Variants in C10orf105 observed in about 807,000 individuals in gnomAD.
C10orf105 encodes the protein chromosome 10 open reading frame 105, also known as uncharacterized protein C10orf105.
Under a neutral mutation model 0.6 loss-of-function variants are expected in C10orf105, and 2 were observed. The ratio of observed to expected loss-of-function variants is 3.18; its 90% CI spans 1.30 to 10.01. The LOEUF (loss-of-function observed/expected upper bound fraction) is 10.01. C10orf105 is among the 30% of genes most tolerant of loss of function. C10orf105 has a pLI of 0.04. For missense variants in C10orf105, 209 were observed against 191.4 expected, an observed-to-expected ratio of 1.09 and a Z score of -0.54; for synonymous variants, 95 against 82.4, an observed-to-expected ratio of 1.15 and a Z score of -0.83.
intron 1 of C10orf105, chr10:71,732,536 G>A: frequency 2.3e-6 from 3 of 1,317,346 alleles, no homozygotes; most frequent in Non-Finnish European, 3.1e-6. Flanking sequence ...AGAGGCTGGG[G>A]CAGGAAGATT....
chr10:71,727,358 A>C (rs1042409783), intron 1 of C10orf105, among the ~76,000 whole-genome samples: 2 of 152,204 alleles, frequency 1.3e-5, no homozygotes, highest in Non-Finnish European at 2.9e-5. Context: ...TCATCCCCAC[A>C]GGGTAATTTT....
In C10orf105 at chr10:71,716,155, C is replaced by T. The variant is rs530192569; in HGVS notation, c.183G>A (p.Pro61=). ...TCLLFMTLCK[P]AALDPSRRRA... is the part of the protein sequence containing the mutation. ...TGCGGCGGCTCGGGTCCAGCGCGGC[C>T]GGCTTGCAGAGCGTCATGAACAGCA... The change falls in exon 2 of 2, where the codon CCG becomes CCA. Residue 61 remains proline, a synonymous_variant. Transcript: ENST00000441508. The T allele has an allele frequency of 1.8e-5, 28 of 1,550,594 alleles. No homozygotes were observed. Among genetic ancestry groups the T allele is most frequent in the African/African-American group, 9.6e-5 (7 of 73,144 alleles).
At chr10:71,736,878 C>T (rs977022502) in intron 1 of C10orf105, among the ~76,000 whole-genome samples, 1 of 152,158 alleles carries the variant, frequency 6.6e-6, no homozygotes, top group Non-Finnish European at 1.5e-5. Context: ...AATAAGGTGT[C>T]AGGGAACTAG....
upstream of C10orf105, chr10:71,724,253 C>G: frequency 1.3e-6 from 1 of 777,814 alleles, no homozygotes; most frequent in Non-Finnish European, 2.1e-6. Flanking sequence ...GAAACAGGGA[C>G]ATTCTCCTTA....
Position 71,728,494 on chromosome 10 carries a change from A to C in C10orf105, c.-6+9234T>G, listed in dbSNP as rs558903382. ...GCTTCTACCAGCCAGAAGCTCTGTC[A>C]CTTCTCTCCAGCTGATTCCCAGCTA... On this transcript the variant is annotated intron_variant, in intron 1 of 1. Coordinates refer to the C10orf105 transcript ENST00000398786. Among the ~76,000 whole-genome samples, 4 of 152,134 alleles carry C rather than the reference A, an allele frequency of 2.6e-5. No homozygotes were observed. In the South Asian group the frequency reaches 8.3e-4, roughly 32 times the overall value.
At chr10:71,732,390 G>T in intron 1 of C10orf105, 1 of 1,553,978 alleles carries the variant, frequency 6.4e-7, no homozygotes, top group Admixed American at 2.0e-5. Context: ...GGGGCTGGGG[G>T]CAGGGAGCAC....
chr10:71,731,159 G>A (rs1839368766), intron 1 of C10orf105, among the ~76,000 whole-genome samples: 1 of 152,184 alleles, frequency 6.6e-6, no homozygotes, highest in African/African-American at 2.4e-5. Context: ...AAGCATGCCG[G>A]GTCTCTGTGG....
At position 71,716,048 on chromosome 10, in the gene C10orf105, C is replaced by T. The variant is rs768880468; in HGVS notation, c.290G>A (p.Arg97His). The stretch of plus-strand genomic sequence containing the variant: ...ATGGCGGAAGCTGTGCAGGGAGAGG[C>T]GCAAGGAGCCCAGGCGCTTCCAGAG... ...LRLWKRLGSL[R>H]LSLHSFRHGR... Residue 97 changes from arginine (R) to histidine (H), a missense_variant, in exon 2 of 2, where the codon CGC becomes CAC. Arg to His is a conservative substitution (Grantham distance 29). Coordinates refer to ENST00000441508, the MANE Select transcript of C10orf105 (RefSeq NM_001164375.3). The T allele has an allele frequency of 1.8e-5, 27 of 1,507,410 alleles. No individual in the cohort carries two copies. In the South Asian group the frequency reaches 1.9e-4, roughly 11 times the overall value. 93.4% of individuals were successfully genotyped at this position (1,507,410 alleles called of 1,614,324 possible). A position where few individuals can be genotyped will look rare whatever the true frequency, so the allele number is the denominator to read the frequency against.
chr10:71,718,846 C>A (rs1431898045), intron 1 of C10orf105, among the ~76,000 whole-genome samples: 1 of 151,826 alleles, frequency 6.6e-6, no homozygotes, highest in African/African-American at 2.4e-5. Flanking sequence ...GCAGGAGGAT[C>A]ACTTGAGCCC....
intron 1 of C10orf105, among the ~76,000 whole-genome samples, chr10:71,737,546 C>T (rs1171595879): frequency 4.6e-5 from 7 of 152,220 alleles, no homozygotes; most frequent in African/African-American, 1.7e-4. Context: ...CAGGCTTAGC[C>T]GGCTCCCCAT....
At chr10:71,724,577 C>T (rs1038674687), upstream of C10orf105, among the ~76,000 whole-genome samples, 2 of 152,222 alleles carry the variant, frequency 1.3e-5, no homozygotes, top group Admixed American at 6.5e-5. Flanking sequence ...GCTAGGATTA[C>T]AGGCGTGAGC....
At chr10:71,734,765 G>A (rs114819631) in intron 1 of C10orf105, 17 of 680,450 alleles carry the variant, frequency 2.5e-5, no homozygotes, top group Admixed American at 7.7e-5. Flanking sequence ...GAGAAGGCAC[G>A]TGGACAGGCC....
At chr10:71,718,451 C>T (rs770394377) in intron 1 of C10orf105, among the ~76,000 whole-genome samples, 17 of 152,226 alleles carry the variant, frequency 1.1e-4, no homozygotes, top group Non-Finnish European at 2.4e-4. Context: ...GTCTAGCTGC[C>T]CAGGGCCTCC....
At chr10:71,719,210 G>T (rs556098291) in intron 1 of C10orf105, among the ~76,000 whole-genome samples, 4 of 152,340 alleles carry the variant, frequency 2.6e-5, no homozygotes, top group African/African-American at 9.6e-5. Context: ...AAGTCCAGCT[G>T]CCAGGCCCCT....
In C10orf105 at chr10:71,713,368, G is replaced by T. The variant is rs745979251; in HGVS notation, c.*2568C>A. On this transcript the variant is annotated 3_prime_UTR_variant, in exon 2 of 2. Coordinates refer to ENST00000441508, the MANE Select transcript of C10orf105 (RefSeq NM_001164375.3). Reference sequence around the variant, plus strand: ...CCTCTGCCCAGAGGCCTCAGTTGCTGGGTGGGGAGGGAGGCCCGGAGTGAA... The same window carrying T: ...CCTCTGCCCAGAGGCCTCAGTTGCTTGGTGGGGAGGGAGGCCCGGAGTGAA... 1.3e-6 allele frequency: 1 copy of T among 742,532 alleles called. No homozygotes were observed. Among genetic ancestry groups the T allele is most frequent in the Non-Finnish European group, 2.5e-6 (1 of 401,084 alleles). The allele number at this position is 742,532 out of a possible 1,614,324, so 46.0% of individuals were successfully genotyped here.
At chr10:71,732,133 C>A (rs1204040319) in intron 1 of C10orf105, 1 of 1,614,022 alleles carries the variant, frequency 6.2e-7, no homozygotes, top group Non-Finnish European at 8.5e-7. Context: ...GGCCACTGAC[C>A]AGGCCCCGCC....
intron 1 of C10orf105, among the ~76,000 whole-genome samples, chr10:71,730,011 T>A (rs1410401231): frequency 6.6e-6 from 1 of 152,068 alleles, no homozygotes; most frequent in Non-Finnish European, 1.5e-5. Flanking sequence ...ATTTTTTGTA[T>A]TTTTAGTAGA....
rs74147044 is a variant in C10orf105 at position 71,728,203 on chromosome 10, A to G, written c.-6+9525T>C. 1.2e-3 allele frequency among the ~76,000 whole-genome samples: 170 copies of G among 142,574 alleles called. 1 individual carries two copies. The highest frequency in any genetic ancestry group is 4.2e-3 in the African/African-American group (165 of 39,602). 93.5% of individuals were successfully genotyped at this position (142,574 alleles called of 152,430 possible). A position where few individuals can be genotyped will look rare whatever the true frequency, so the allele number is the denominator to read the frequency against. On this transcript the variant is annotated intron_variant, in intron 1 of 1. Transcript: ENST00000398786. ...TCCATGCAAACTCCCCCCCGCACCC[A>G]CCCTACCCAGGATCTTCCCCAGCCA...
chr10:71,713,359 T>G lies in C10orf105; in HGVS notation c.*2577A>C. 1 of 754,226 alleles carries G rather than the reference T, an allele frequency of 1.3e-6. No individual in the cohort carries two copies. The highest frequency in any genetic ancestry group is 1.4e-5 in the South Asian group (1 of 71,814). 46.7% of individuals were successfully genotyped at this position (754,226 alleles called of 1,614,324 possible). A position where few individuals can be genotyped will look rare whatever the true frequency, so the allele number is the denominator to read the frequency against. On this transcript the variant is annotated 3_prime_UTR_variant, in exon 2 of 2. Coordinates refer to ENST00000441508, the MANE Select transcript of C10orf105 (RefSeq NM_001164375.3). ...GCACCCACACCTCTGCCCAGAGGCCTCAGTTGCTGGGTGGGGAGGGAGGCC... is the reference window on the plus strand; with the variant it reads ...GCACCCACACCTCTGCCCAGAGGCCGCAGTTGCTGGGTGGGGAGGGAGGCC...
Sources: gnomAD v4.1 joint callset for allele counts (sites outside exome capture counted in the v4.1 genomes callset) on GRCh38, gnomAD v4.1.1 for gene constraint, MANE v1.5 for transcripts, NCBI Gene and HGNC (gene_info 2026-07-23, HGNC 2026-07-21) for gene names.